The following NLGN1 variants were observed in gnomAD, a reference collection of about 807,000 sequenced individuals.
NLGN1 encodes neuroligin 1.
Under a neutral mutation model 65.5 loss-of-function variants are expected in NLGN1, and 12 were observed. That is an observed-to-expected ratio of 0.18 (90% CI 0.12 to 0.30). NLGN1 has a LOEUF of 0.30. NLGN1 is among the 10% of genes least tolerant of loss of function. The pLI is 1.00. For missense variants in NLGN1, 750 were observed against 1,007.1 expected (o/e 0.74, Z 3.46); for synonymous variants, 350 against 359.5 (o/e 0.97, Z 0.30).
At chr3:173,481,131 A>G (rs1727210842) in intron 2 of NLGN1, among the ~76,000 whole-genome samples, 1 of 152,052 alleles carries the variant, frequency 6.6e-6, no homozygotes, top group African/African-American at 2.4e-5. Flanking sequence ...TGGTTCCAGA[A>G]TCTGTGCCCC....
intron 4 of NLGN1, among the ~76,000 whole-genome samples, chr3:174,257,666 G>C (rs888986327): frequency 6.6e-6 from 1 of 151,812 alleles, no homozygotes; most frequent in Admixed American, 6.6e-5. Context: ...TTGGTTTCCT[G>C]TGTCAAATAC....
At chr3:173,538,926 A>G (rs1737930583) in intron 2 of NLGN1, among the ~76,000 whole-genome samples, 2 of 151,192 alleles carry the variant, frequency 1.3e-5, no homozygotes, top group South Asian at 4.2e-4. Flanking sequence ...TCTTCCCCAA[A>G]TTTCCTTGTC....
intron 2 of NLGN1, among the ~76,000 whole-genome samples, chr3:173,491,359 GT>G (rs1003686749): frequency 3.4e-4 from 51 of 151,852 alleles, no homozygotes; most frequent in African/African-American, 1.2e-3. Flanking sequence ...TAATCATGTG[GT>G]TTTTGTCATT....
intron 3 of NLGN1, among the ~76,000 whole-genome samples, chr3:173,758,740 A>T (rs756738140): frequency 6.6e-6 from 1 of 152,032 alleles, no homozygotes; most frequent in Non-Finnish European, 1.5e-5. Flanking sequence ...CAATTTTTAC[A>T]TTAAAACTTA....
intron 2 of NLGN1, among the ~76,000 whole-genome samples, chr3:173,537,756 G>A (rs1049955421): frequency 6.6e-6 from 1 of 152,046 alleles, no homozygotes; most frequent in African/African-American, 2.4e-5. Context: ...GATTGAGTTG[G>A]TGTACTCTTT....
chr3:173,484,707 G>A lies in NLGN1; in HGVS notation c.-321+49629G>A, dbSNP rs141800974. Among the ~76,000 whole-genome samples, 26 of 152,188 alleles carry A rather than the reference G, an allele frequency of 1.7e-4. No homozygotes were observed. The East Asian group carries it at 2.9e-3, about 17-fold the overall frequency. On this transcript the variant is annotated intron_variant, in intron 2 of 6. Transcript: ENST00000457714. ...ATCAAGACTGGTAAAAATTTAAAGC[G>A]TATTGCTGATCGTATTATAAATTCT...
At chr3:173,464,624 G>A (rs1470553770) in intron 2 of NLGN1, among the ~76,000 whole-genome samples, 2 of 151,730 alleles carry the variant, frequency 1.3e-5, no homozygotes, top group African/African-American at 2.4e-5. Context: ...TAGTAGACAC[G>A]GGGTTTCTCC....
intron 4 of NLGN1, among the ~76,000 whole-genome samples, chr3:174,095,431 A>T (rs1745305054): frequency 6.6e-6 from 1 of 151,820 alleles, no homozygotes; most frequent in South Asian, 2.1e-4. Flanking sequence ...GATTGTACAC[A>T]TGATAGGGGA....
chr3:173,998,932 C>A (rs1448429220), intron 4 of NLGN1, among the ~76,000 whole-genome samples: 1 of 152,182 alleles, frequency 6.6e-6, no homozygotes, highest in Non-Finnish European at 1.5e-5. Context: ...TAATAAACAT[C>A]CTTTTCAAAT....
chr3:173,474,091 C>T (rs139796250), intron 2 of NLGN1, among the ~76,000 whole-genome samples: 31 of 151,648 alleles, frequency 2.0e-4, no homozygotes, highest in African/African-American at 6.3e-4. Context: ...TTTTTTTCTT[C>T]CTCCTGCTCC....
intron 3 of NLGN1, among the ~76,000 whole-genome samples, chr3:173,631,747 G>T (rs934506584): frequency 2.6e-5 from 4 of 152,036 alleles, no homozygotes; most frequent in Non-Finnish European, 5.9e-5. Context: ...CATGCACTCA[G>T]AATAGGTTAA....
intron 4 of NLGN1, among the ~76,000 whole-genome samples, chr3:173,827,727 C>T (rs1399753566): frequency 6.6e-6 from 1 of 150,576 alleles, no homozygotes; most frequent in Admixed American, 6.6e-5. Context: ...CTGAGAAGTC[C>T]CACCATTTTC....
At chr3:173,542,128 T>C (rs1400761146) in intron 2 of NLGN1, among the ~76,000 whole-genome samples, 3 of 152,012 alleles carry the variant, frequency 2.0e-5, no homozygotes, top group Non-Finnish European at 2.9e-5. Context: ...ATATAATTGG[T>C]TTATTTTAAA....
intron 4 of NLGN1, among the ~76,000 whole-genome samples, chr3:173,837,538 G>A (rs1723878862): frequency 6.6e-6 from 1 of 152,118 alleles, no homozygotes; most frequent in South Asian, 2.1e-4. Context: ...TGTACAATAT[G>A]TTGAGTAAAA....
At chr3:173,956,276 A>G (rs1188432289) in intron 4 of NLGN1, among the ~76,000 whole-genome samples, 2 of 152,166 alleles carry the variant, frequency 1.3e-5, no homozygotes, top group Non-Finnish European at 2.9e-5. Context: ...CTATTACAAT[A>G]TTATATAACC....
intron 4 of NLGN1, among the ~76,000 whole-genome samples, chr3:173,898,263 C>G (rs1227901248): frequency 6.6e-6 from 1 of 152,128 alleles, no homozygotes; most frequent in Non-Finnish European, 1.5e-5. Context: ...TACAATTTTA[C>G]AGAAAGTAAA....
chr3:174,185,670 T>A (rs1345535), intron 4 of NLGN1, among the ~76,000 whole-genome samples: 113,528 of 151,856 alleles, frequency 0.75, 42,507 homozygotes, highest in Admixed American at 0.77. Flanking sequence ...AATATAAAGA[T>A]CAGACATATG....
At chr3:174,109,232 T>G (rs1264136859) in intron 4 of NLGN1, among the ~76,000 whole-genome samples, 1 of 151,998 alleles carries the variant, frequency 6.6e-6, no homozygotes, top group East Asian at 1.9e-4. Context: ...TTATTATACT[T>G]TTGTAGTGAT....
At chr3:173,409,410 A>G (rs1313726520) in intron 1 of NLGN1, among the ~76,000 whole-genome samples, 1 of 152,242 alleles carries the variant, frequency 6.6e-6, no homozygotes, top group African/African-American at 2.4e-5. Context: ...TATGTACTGT[A>G]GACGGGAATG....
Sources: allele counts gnomAD v4.1 joint callset (sites outside exome capture counted in the v4.1 genomes callset), GRCh38; gene constraint gnomAD v4.1.1; transcripts MANE v1.5; gene names NCBI Gene and HGNC (gene_info 2026-07-23, HGNC 2026-07-21).